Variants in SIRPD observed in about 807,000 individuals in gnomAD.
The protein encoded by SIRPD is signal-regulatory protein delta.
In SIRPD, 21 loss-of-function variants were observed where a neutral mutation model predicts 18.0. The observed-to-expected ratio is 1.17, with a 90% CI of 0.83 to 1.68. The LOEUF is 1.68. SIRPD is among the 40% of genes most tolerant of loss of function. The probability of loss-of-function intolerance (pLI) is 0.00; values close to 1 mark genes in which losing one functional copy is unlikely to be tolerated. For missense variants in SIRPD, 295 were observed against 238.4 expected, an observed-to-expected ratio of 1.24 and a Z score of -1.56; for synonymous variants, 106 against 92.9, an observed-to-expected ratio of 1.14 and a Z score of -0.81.
chr20:1,552,039 C>T lies in SIRPD; in HGVS notation c.74-1G>A, dbSNP rs1230032642. 2 of 1,608,558 alleles carry T rather than the reference C, an allele frequency of 1.2e-6. No individual in the cohort carries two copies. The highest frequency in any genetic ancestry group is 2.2e-5 in the East Asian group (1 of 44,794). On this transcript the variant is annotated splice_acceptor_variant, in intron 1 of 3. Coordinates refer to ENST00000381623, the MANE Select transcript of SIRPD (RefSeq NM_178460.3). LOFTEE classifies it high-confidence loss of function. ...TGCACATGGAACACATGTGTGACTC[C>T]TGGAAAAAAGCTGAAAATCATTTCT... is the stretch of plus-strand genomic sequence containing the variant.
intron 3 of SIRPD, 99 bp downstream of exon 3, chr20:1,537,056 C>T: frequency 7.0e-7 from 1 of 1,428,932 alleles, no homozygotes; most frequent in South Asian, 1.3e-5. Flanking sequence ...CCTAGGACAA[C>T]AGAGATTCAT....
At chr20:1,554,534 T>C (rs1008314626) in intron 1 of SIRPD, among the ~76,000 whole-genome samples, 2 of 152,212 alleles carry the variant, frequency 1.3e-5, no homozygotes, top group African/African-American at 2.4e-5. Context: ...TGGCCTGCAA[T>C]ATATTAGGCA....
chr20:1,541,545 G>T (rs2090971439), intron 2 of SIRPD, among the ~76,000 whole-genome samples: 1 of 152,048 alleles, frequency 6.6e-6, no homozygotes. Flanking sequence ...TTAGCCCTTT[G>T]CCAGATGGAT....
At chr20:1,552,621 G>C (rs1469155602) in intron 1 of SIRPD, among the ~76,000 whole-genome samples, 1 of 152,262 alleles carries the variant, frequency 6.6e-6, no homozygotes, top group Admixed American at 6.5e-5. Flanking sequence ...TCAACAAAAA[G>C]AGATTAGAAC....
Position 1,534,257 on chromosome 20 carries a change from C to G in SIRPD, c.*168G>C. On this transcript the variant is annotated 3_prime_UTR_variant, in exon 4 of 4. Transcript: ENST00000381623. ...CAGAAGAGAGAACCTGGAATTGGAC[C>G]CAGGTAAATAGACAGATTTATTGTA... 2 of 880,540 alleles carry G rather than the reference C, an allele frequency of 2.3e-6. 1 individual carries two copies. Among genetic ancestry groups the G allele is most frequent in the East Asian group, 5.1e-5 (2 of 39,556 alleles). The allele number at this position is 880,540 out of a possible 1,614,324, so 54.5% of individuals were successfully genotyped here. A position where few individuals can be genotyped will look rare whatever the true frequency, so the allele number is the denominator to read the frequency against.
At position 1,553,702 on chromosome 20, in the gene SIRPD, T is replaced by G. The variant is rs115602130; in HGVS notation, c.74-1664A>C. On this transcript the variant is annotated intron_variant, in intron 1 of 3. Transcript: ENST00000381623. ...TATTTGTAAATGTCTCCTATGTCAT[T>G]GGGTTCTGGTGGGGTTGGCATCAGA... 3.8e-3 allele frequency among the ~76,000 whole-genome samples: 574 copies of G among 152,220 alleles called. 4 individuals are homozygous for G. Among genetic ancestry groups the G allele is most frequent in the African/African-American group, 0.013 (551 of 41,530 alleles).
chr20:1,536,117 C>T (rs542747950), intron 3 of SIRPD, among the ~76,000 whole-genome samples: 2 of 152,244 alleles, frequency 1.3e-5, no homozygotes, highest in East Asian at 1.9e-4. Context: ...TTGCAATGGC[C>T]GGATGCAGCA....
chr20:1,535,894 T>C lies in SIRPD; in HGVS notation c.577+1261A>G, dbSNP rs148733075. The stretch of plus-strand genomic sequence containing the variant: ...TGAGAAACACTCAGGACTGTGCTCA[T>C]AGAAGGACTTCTGTGAAATGGGCTT... On this transcript the variant is annotated intron_variant, in intron 3 of 3. Coordinates refer to ENST00000381623, the MANE Select transcript of SIRPD (RefSeq NM_178460.3). Among the ~76,000 whole-genome samples the C allele has an allele frequency of 5.1e-3, 771 of 152,314 alleles. 9 individuals carry two copies. The highest frequency in any genetic ancestry group is 0.018 in the African/African-American group (750 of 41,570).
chr20:1,535,314 T>C, intron 3 of SIRPD, among the ~76,000 whole-genome samples: 1 of 152,194 alleles, frequency 6.6e-6, no homozygotes, highest in East Asian at 1.9e-4. Context: ...CAGGTTTCAA[T>C]GCCTCCTCTA....
chr20:1,552,800 C>T (rs1468749532), intron 1 of SIRPD, among the ~76,000 whole-genome samples: 2 of 152,144 alleles, frequency 1.3e-5, no homozygotes, highest in African/African-American at 4.8e-5. Flanking sequence ...AGAAAGGGAA[C>T]TCCTGGCTGG....
chr20:1,540,906 T>A (rs185394841), intron 2 of SIRPD, among the ~76,000 whole-genome samples: 7 of 152,320 alleles, frequency 4.6e-5, no homozygotes, highest in African/African-American at 1.7e-4. Flanking sequence ...TTTTTGTTCT[T>A]GTGTTAGTTT....
At chr20:1,535,443 TG>T (rs2090941103) in intron 3 of SIRPD, among the ~76,000 whole-genome samples, 1 of 152,194 alleles carries the variant, frequency 6.6e-6, no homozygotes, top group East Asian at 1.9e-4. Context: ...ATAAGGACTC[TG>T]CGTTATTTCA....
At chr20:1,536,162 A>C (rs751815491) in intron 3 of SIRPD, among the ~76,000 whole-genome samples, 9 of 152,198 alleles carry the variant, frequency 5.9e-5, no homozygotes, top group Non-Finnish European at 1.2e-4. Context: ...TGCACTTATT[A>C]AGCCCTAAAA....
chr20:1,551,668 TG>T, intron 2 of SIRPD, 22 bp downstream of exon 2: 1 of 1,560,722 alleles, frequency 6.4e-7, no homozygotes, highest in Non-Finnish European at 8.8e-7. Context: ...CCAGGGGGTA[TG>T]GGGTATAGGA....
intron 2 of SIRPD, among the ~76,000 whole-genome samples, chr20:1,543,574 C>G (rs1296474362): frequency 6.6e-6 from 1 of 152,020 alleles, no homozygotes; most frequent in Admixed American, 6.6e-5. Flanking sequence ...AAAAACAGCT[C>G]CTTGATTCAC....
chr20:1,551,889 T>C lies in SIRPD; in HGVS notation c.223A>G (p.Ile75Val), dbSNP rs1489912000. The C allele has an allele frequency of 1.2e-6, 2 of 1,613,984 alleles. No individual in the cohort carries two copies. The highest frequency in any genetic ancestry group is 1.3e-5 in the African/African-American group (1 of 74,892). The change falls in exon 2 of 4, where the codon ATC becomes GTC. Residue 75 changes from isoleucine (I) to valine (V), a missense_variant. Transcript: ENST00000381623. ...AAGTTACCTTGTTTGAAATTGTAGA[T>C]TAATTTCCGGTTTGGCCCTGTTCCC... ...FKGTGPNRKLIYNFKQGNFPR... is the reference protein window; with the variant it reads ...FKGTGPNRKLVYNFKQGNFPR...
chr20:1,551,209 C>T (rs973505661), intron 2 of SIRPD, among the ~76,000 whole-genome samples: 5 of 152,224 alleles, frequency 3.3e-5, no homozygotes, highest in Non-Finnish European at 7.3e-5. Context: ...CTGCATTCAT[C>T]TAGACTTTTT....
intron 2 of SIRPD, among the ~76,000 whole-genome samples, chr20:1,543,744 G>C (rs543144011): frequency 5.3e-5 from 8 of 152,272 alleles, no homozygotes; most frequent in South Asian, 2.1e-4. Flanking sequence ...GCTGTCTCCT[G>C]TGGGCATTAG....
At chr20:1,537,042 A>G in intron 3 of SIRPD, 113 bp downstream of exon 3, 1 of 1,250,230 alleles carries the variant, frequency 8.0e-7, no homozygotes. Context: ...GCAAAGAAAG[A>G]GGCCCTAGGA....
Sources: gnomAD v4.1 joint callset for allele counts (sites outside exome capture counted in the v4.1 genomes callset) on GRCh38, gnomAD v4.1.1 for gene constraint, MANE v1.5 for transcripts, NCBI Gene and HGNC (gene_info 2026-07-23, HGNC 2026-07-21) for gene names.